ZNF142: variants seen among roughly 807,000 people sequenced by gnomAD.
The protein encoded by ZNF142 is zinc finger protein 142.
Under a neutral mutation model 132.1 loss-of-function variants are expected in ZNF142, and 96 were observed. The observed-to-expected ratio is 0.73, with a 90% CI of 0.62 to 0.86. The LOEUF (loss-of-function observed/expected upper bound fraction) is 0.86. Ranked by LOEUF, ZNF142 falls within the 40% of genes least tolerant of loss-of-function variation. The pLI is 0.00. For missense variants in ZNF142, 2,163 were observed against 2,336.2 expected (o/e 0.93, Z 1.53); for synonymous variants, 842 against 890.1 (o/e 0.95, Z 0.96).
Position 218,636,167 on chromosome 2 carries a change from T to A in ZNF142, c.*2172A>T, listed in dbSNP as rs937567246. On this transcript the variant is annotated 3_prime_UTR_variant, in exon 11 of 11. Transcript: ENST00000411696. ...AATGCTGATTGCCATCTAGATTAAA[T>A]GAGAACACAAGAAAAGCAACCCAGT... 1.9e-5 allele frequency: 29 copies of A among 1,498,370 alleles called. No homozygotes were observed. The Admixed American group carries it at 4.8e-4, about 25-fold the overall frequency. The allele number at this position is 1,498,370 out of a possible 1,614,324, so 92.8% of individuals were successfully genotyped here. A position where few individuals can be genotyped will look rare whatever the true frequency, so the allele number is the denominator to read the frequency against.
rs376838139 is a variant in ZNF142, at chr2:218,638,551, G to A, written c.5452C>T (p.Arg1818Cys). 1.4e-4 allele frequency: 220 copies of A among 1,610,876 alleles called. 1 individual carries two copies. Among genetic ancestry groups the A allele is most frequent in the South Asian group, 4.3e-4 (39 of 90,912 alleles). ...LRHHALTHTD[R>C]HPFFCRLCNY... ...CAGAGGCGGCAAAAGAAGGGGTGGC[G>A]GTCGGTGTGGGTGAGGGCATGATGG... The change falls in exon 11 of 11, where the codon CGC becomes TGC. Residue 1818 changes from arginine to cysteine, a missense_variant. Physicochemically the swap from Arg to Cys is radical, Grantham distance 180. Transcript: ENST00000411696.
At chr2:218,658,385 C>T (rs572833283) in intron 3 of ZNF142, among the ~76,000 whole-genome samples, 1 of 151,968 alleles carries the variant, frequency 6.6e-6, no homozygotes, top group Non-Finnish European at 1.5e-5. Flanking sequence ...ACTAAAAATA[C>T]AAAAAATCAG....
At chr2:218,649,530 C>T (rs1287963272) in intron 6 of ZNF142, 71 bp from the exon 7 acceptor site, 6 of 1,385,748 alleles carry the variant, frequency 4.3e-6, no homozygotes, top group Non-Finnish European at 5.8e-6. Flanking sequence ...GGGAGAACCA[C>T]AATTTGCTCA....
rs758786121 is a variant in ZNF142 at position 218,644,999 on chromosome 2, C to T, written c.2117G>A (p.Arg706Gln). The change falls in exon 9 of 11, where the codon CGG becomes CAG. Residue 706 changes from arginine (R) to glutamine (Q), a missense_variant. Transcript: ENST00000411696. This position sits in a 1 kb window ranked among gnomAD's most constrained non-coding sequence, Gnocchi z 4.6. The part of the protein sequence containing the change: ...RADQLSSHKL[R>Q]HQGKSLMCEV... ...ACACATCAGAGACTTGCCCTGATGC[C>T]GCAGCTTGTGGCTGCTCAGCTGATC... 3.3e-5 allele frequency: 54 copies of T among 1,614,002 alleles called. No individual in the cohort carries two copies. The highest frequency in any genetic ancestry group is 4.6e-5 in the Non-Finnish European group (54 of 1,179,962).
At chr2:218,650,588 C>A in intron 5 of ZNF142, 62 bp from the exon 6 acceptor site, 2 of 1,429,336 alleles carry the variant, frequency 1.4e-6, no homozygotes, top group Admixed American at 5.0e-5. Flanking sequence ...AATGCTTATA[C>A]TTCTCTACCT....
rs1697285445 is a variant in ZNF142 at position 218,642,401 on chromosome 2, T to C, written c.4715A>G (p.His1572Arg). Residue 1572 changes from histidine to arginine, a missense_variant, in exon 9 of 11, where the codon CAC becomes CGC. His to Arg is a conservative substitution (Grantham distance 29, BLOSUM62 0). Coordinates refer to ENST00000411696, the MANE Select transcript of ZNF142 (RefSeq NM_001379659.1). The surrounding 1 kb of genome is among the most constrained non-coding windows in gnomAD (Gnocchi z 4.6). Reference sequence around the variant, plus strand: ...GTGGCTGAAATGCTGCTGCCTCCGGTGCTCATCCAGAGCCAGTCGGCTAGG... The same window carrying C: ...GTGGCTGAAATGCTGCTGCCTCCGGCGCTCATCCAGAGCCAGTCGGCTAGG... ...AFPSRLALDE[H>R]RRQQHFSHRC... 1.3e-5 allele frequency: 21 copies of C among 1,612,870 alleles called. No individual in the cohort carries two copies. The highest frequency in any genetic ancestry group is 1.7e-5 in the Non-Finnish European group (20 of 1,180,034).
chr2:218,648,514 G>T, intron 7 of ZNF142, 121 bp downstream of exon 7: 1 of 931,756 alleles, frequency 1.1e-6, no homozygotes. Context: ...TGTAAACTTG[G>T]AATGCTAGAT....
At position 218,641,956 on chromosome 2, in the gene ZNF142, T is replaced by TAGAG. The variant is rs1480562686; in HGVS notation, c.5088+68_5088+71dup. ...AGCTAATATCTGGAGGAGTCAGCTATAGAGAACCAAGGCAGTTTAACTCCA... is the reference window on the plus strand; with the variant it reads ...AGCTAATATCTGGAGGAGTCAGCTATAGAGAGAGAACCAAGGCAGTTTAACTCCA... On this transcript the variant is annotated intron_variant, in intron 9 of 10. Transcript: ENST00000411696. 3.2e-6 allele frequency: 5 copies of TAGAG among 1,539,340 alleles called. No homozygotes were observed. In the African/African-American group the frequency reaches 6.8e-5, roughly 21 times the overall value.
chr2:218,643,139 C>T lies in ZNF142; in HGVS notation c.3977G>A (p.Gly1326Asp). 4 of 1,614,086 alleles carry T rather than the reference C, an allele frequency of 2.5e-6. No individual in the cohort carries two copies. The highest frequency in any genetic ancestry group is 3.3e-4 in the Middle Eastern group (2 of 6,062). The part of the protein sequence containing the change: ...ERALRTHQIR[G>D]CPLEESGELH... ...CTCTCCAGACTCCTCGAGGGGGCAG[C>T]CCCGGATCTGGTGAGTCCTCAGAGC... The change falls in exon 9 of 11, where the codon GGC becomes GAC. Residue 1326 changes from glycine to aspartate, a missense_variant. By Grantham distance (94) the Gly-to-Asp change is moderately conservative. This residue lies in a region of ZNF142 where 809 missense variants were observed against 801.7 expected (regional missense o/e 1.01). Coordinates refer to ENST00000411696, the MANE Select transcript of ZNF142 (RefSeq NM_001379659.1).
intron 4 of ZNF142, 101 bp downstream of exon 4, chr2:218,656,049 G>T: frequency 1.5e-6 from 2 of 1,335,778 alleles, no homozygotes; most frequent in Non-Finnish European, 2.0e-6. Flanking sequence ...AAAATAGGAT[G>T]CTACCTTGTG....
chr2:218,652,191 A>T lies in ZNF142; in HGVS notation c.390T>A (p.Pro130=). Residue 130 remains proline, a synonymous_variant, in exon 5 of 11, where the codon CCT becomes CCA. Transcript: ENST00000411696. The stretch of plus-strand genomic sequence containing the variant: ...ATGGGGGGCTAGAGAGGCCCTGCAC[A>T]GGCTGTATATGGGTCTCACTGCACT... ...LHQCSETHIQ[P]VQGLSSPPCS... The T allele has an allele frequency of 2.2e-6, 1 of 456,380 alleles. No homozygotes were observed. Among genetic ancestry groups the T allele is most frequent in the Non-Finnish European group, 4.4e-6 (1 of 226,782 alleles). 28.3% of individuals were successfully genotyped at this position (456,380 alleles called of 1,614,324 possible).
At chr2:218,647,240 G>A (rs898520958) in intron 7 of ZNF142, among the ~76,000 whole-genome samples, 3 of 151,442 alleles carry the variant, frequency 2.0e-5, no homozygotes, top group Non-Finnish European at 2.9e-5. Flanking sequence ...TGGCTAACAC[G>A]GTGAAACCCT....
rs1559285878 is a variant in ZNF142, at chr2:218,640,723, T to A, written c.5135A>T (p.Glu1712Val). Residue 1712 changes from glutamate (E) to valine (V), a missense_variant, in exon 10 of 11, where the codon GAG becomes GTG. Physicochemically the swap from Glu to Val is moderately radical, Grantham distance 121. This residue lies in a region of ZNF142 where 325 missense variants were observed against 367.8 expected (regional missense o/e 0.88). Coordinates refer to ENST00000411696, the MANE Select transcript of ZNF142 (RefSeq NM_001379659.1). ...HKEERKYLCP[E>V]CGYKCKWVNQ... ...GACCCACTTGCACTTGTAGCCACAC[T>A]CAGGGCACAGGTACTTCCGTTCCTC... The A allele has an allele frequency of 6.2e-7, 1 of 1,614,216 alleles. No individual in the cohort carries two copies. Among genetic ancestry groups the A allele is most frequent in the Admixed American group, 1.7e-5 (1 of 60,018 alleles).
At position 218,643,966 on chromosome 2, in the gene ZNF142, G is replaced by A. The variant is rs757814429; in HGVS notation, c.3150C>T (p.Ala1050=). Residue 1050 remains alanine (A), a synonymous_variant, in exon 9 of 11, where the codon GCC becomes GCT. Transcript: ENST00000411696. The part of the protein sequence containing the change: ...HCPFITRREK[A]LNLHSRTGCQ... ...ACCCAGTCCTGGAGTGCAGATTCAGGGCCTTCTCCCGGCGAGTGATAAAAG... is the reference window on the plus strand; with the variant it reads ...ACCCAGTCCTGGAGTGCAGATTCAGAGCCTTCTCCCGGCGAGTGATAAAAG... 2.5e-6 allele frequency: 4 copies of A among 1,614,172 alleles called. No individual in the cohort carries two copies. The East Asian group carries it at 8.9e-5, about 36-fold the overall frequency.
chr2:218,640,857 C>T, intron 9 of ZNF142, 88 bp from the exon 10 acceptor site: 2 of 1,025,774 alleles, frequency 1.9e-6, no homozygotes, highest in Non-Finnish European at 3.0e-6. Flanking sequence ...TTGCCCTGTT[C>T]TATGCCTTTA....
Position 218,642,931 on chromosome 2 carries a change from C to G in ZNF142, c.4185G>C (p.Glu1395Asp), listed in dbSNP as rs376670636. ...CMQQHRRLKH[E>D]GVKPHQCPFC... ...AGGGGCACTGATGGGGCTTCACCCC[C>G]TCGTGCTTGAGCCGCCGGTGCTGCT... Residue 1395 changes from glutamate to aspartate, a missense_variant, in exon 9 of 11, where the codon GAG becomes GAC. Physicochemically the swap from Glu to Asp is conservative, Grantham distance 45 (BLOSUM62 2). Transcript: ENST00000411696. This position sits in a 1 kb window ranked among gnomAD's most constrained non-coding sequence, Gnocchi z 4.6. 60 of 1,613,558 alleles carry G rather than the reference C, an allele frequency of 3.7e-5. No individual in the cohort carries two copies. Among genetic ancestry groups the G allele is most frequent in the Non-Finnish European group, 4.9e-5 (58 of 1,179,936 alleles).
rs1176494469 is a variant in ZNF142, at chr2:218,646,175, G to C, written c.2047C>G (p.Leu683Val). ...AGGCCTATGTGTGTGTTGTACCTGA[G>C]GTCCCCTGCATGTTTTCGCATGTGC... Reference protein sequence around the residue: ...RVHMRKHAGDLRYQCNQCSYR... With the variant: ...RVHMRKHAGDVRYQCNQCSYR... Residue 683 changes from leucine to valine, a missense_variant, in exon 8 of 11, where the codon CTC becomes GTC. By Grantham distance (32) the Leu-to-Val change is conservative (BLOSUM62 1). Coordinates refer to ENST00000411696, the MANE Select transcript of ZNF142 (RefSeq NM_001379659.1). The C allele has an allele frequency of 6.2e-7, 1 of 1,612,896 alleles. No homozygotes were observed. The highest frequency in any genetic ancestry group is 8.5e-7 in the Non-Finnish European group (1 of 1,179,790).
chr2:218,652,083 G>T lies in ZNF142; in HGVS notation c.498C>A (p.Cys166Ter). ...GGGCAAACTCCTGTCTACACACAGG[G>T]CATGATAGGGGGCTAACTGGCGGGC... Reference protein sequence around the residue: ...GQSPPVSPLSCPVCRQEFAQP... With the variant: ...GQSPPVSPLS Residue 166 changes from cysteine to a stop codon, truncating the protein, a stop_gained, in exon 5 of 11, where the codon TGC (cysteine) becomes TGA (stop). Coordinates refer to ENST00000411696, the MANE Select transcript of ZNF142 (RefSeq NM_001379659.1). LOFTEE classifies it high-confidence loss of function. The T allele has an allele frequency of 2.2e-6, 1 of 455,362 alleles. No individual in the cohort carries two copies. The highest frequency in any genetic ancestry group is 1.6e-5 in the South Asian group (1 of 64,160). The allele number at this position is 455,362 out of a possible 1,614,324, so 28.2% of individuals were successfully genotyped here. A position where few individuals can be genotyped will look rare whatever the true frequency, so the allele number is the denominator to read the frequency against.
intron 8 of ZNF142, 23 bp downstream of exon 8, chr2:218,646,148 G>A (rs760554132): frequency 5.6e-6 from 9 of 1,606,060 alleles, no homozygotes; most frequent in South Asian, 2.2e-5. Flanking sequence ...GGATTGGGAC[G>A]GAGGCCTATG....
Sources: gnomAD v4.1 joint callset for allele counts (sites outside exome capture counted in the v4.1 genomes callset) on GRCh38, gnomAD v4.1.1 for gene constraint, gnomAD v4.1.1 regional missense constraint, Gnocchi (gnomAD v3.1) non-coding constraint, MANE v1.5 for transcripts, NCBI Gene and HGNC (gene_info 2026-07-23, HGNC 2026-07-21) for gene names.